MEAK7: variants seen among roughly 807,000 people sequenced by gnomAD.
The protein encoded by MEAK7 is MTOR associated protein MEAK7, also known as MTOR-associated protein MEAK7.
In MEAK7, 68 loss-of-function variants were observed where a neutral mutation model predicts 40.5. The observed-to-expected ratio is 1.68, with a 90% CI of 1.38 to 2.06. The LOEUF is 2.06. Among genes scored for constraint, MEAK7 ranks in the 30% most tolerant of loss-of-function variants. The pLI, the probability that MEAK7 is intolerant of heterozygous loss-of-function variation, is 0.00. For missense variants in MEAK7, 918 were observed against 580.5 expected (o/e 1.58, Z -5.98); for synonymous variants, 338 against 231.9 (o/e 1.46, Z -4.16).
chr16:84,484,187 G>A (rs922390053), intron 5 of MEAK7, among the ~76,000 whole-genome samples: 1 of 152,196 alleles, frequency 6.6e-6, no homozygotes, highest in African/African-American at 2.4e-5. Context: ...CACCCCCAAG[G>A]GCTGTTCTCC....
chr16:84,480,529 C>T lies in MEAK7; in HGVS notation c.1257G>A (p.Leu419=), dbSNP rs1303173015. ...GGATGCAGAGGACAGCTCCACTCACCAACTGCTCCTCTGAGGGGTCTCCAA... is the reference window on the plus strand; with the variant it reads ...GGATGCAGAGGACAGCTCCACTCACTAACTGCTCCTCTGAGGGGTCTCCAA... ...WAVGDPSEEQ[L]AKGNKSILDA... Residue 419 remains leucine (L), a splice_region_variant and synonymous_variant, in exon 7 of 8, where the codon TTG becomes TTA. Coordinates refer to ENST00000343629, the MANE Select transcript of MEAK7 (RefSeq NM_020947.4). 2.5e-6 allele frequency: 4 copies of T among 1,605,600 alleles called. No homozygotes were observed. Among genetic ancestry groups the T allele is most frequent in the Non-Finnish European group, 3.4e-6 (4 of 1,176,276 alleles).
Position 84,489,334 on chromosome 16 carries a change from G to T in MEAK7, c.473C>A (p.Pro158His). ...AGCCAGCACCTGCACCCGGGGGTTG[G>T]GCCCTGGGGCTTCCTTCCCAGTCCA... ...RGWTGKEAPG[P>H]NPRVQVLAAQ... The change falls in exon 4 of 8, where the codon CCC (proline) becomes CAC (histidine). Residue 158 changes from proline (P) to histidine (H), a missense_variant. Transcript: ENST00000343629. The T allele has an allele frequency of 6.2e-7, 1 of 1,614,160 alleles. No individual in the cohort carries two copies. The highest frequency in any genetic ancestry group is 8.5e-7 in the Non-Finnish European group (1 of 1,180,026).
intron 1 of MEAK7, among the ~76,000 whole-genome samples, chr16:84,501,332 G>C (rs115941993): frequency 1.4e-4 from 21 of 152,134 alleles, no homozygotes; most frequent in African/African-American, 4.6e-4. Flanking sequence ...CAGGGCACGT[G>C]GGGGAGGGCA....
chr16:84,495,572 C>T (rs978434051), intron 3 of MEAK7, 111 bp downstream of exon 3: 2 of 985,474 alleles, frequency 2.0e-6, no homozygotes, highest in Admixed American at 4.3e-5. Flanking sequence ...AAACCCAGCT[C>T]AAATACTTTT....
chr16:84,480,818 G>T, intron 6 of MEAK7, 110 bp from the exon 7 acceptor site: 1 of 1,228,896 alleles, frequency 8.1e-7, no homozygotes, highest in East Asian at 2.7e-5. Context: ...AGACAGGGGC[G>T]GGTGAGTGGT....
chr16:84,488,095 A>G (rs752855926), intron 4 of MEAK7: 12 of 151,168 alleles, frequency 7.9e-5, no homozygotes, highest in Non-Finnish European at 1.6e-4. Flanking sequence ...TTTTTCAAAC[A>G]GTTTCATTTC....
rs1327550935 is a variant in MEAK7 at position 84,479,689 on chromosome 16, A to G, written c.*224T>C. The G allele has an allele frequency of 1.0e-5, 4 of 391,504 alleles. No homozygotes were observed. Among genetic ancestry groups the G allele is most frequent in the Non-Finnish European group, 1.4e-5 (3 of 220,244 alleles). The allele number at this position is 391,504 out of a possible 1,614,324, so 24.3% of individuals were successfully genotyped here. ...GGAGAGATCCTGAGGGTGACCCTGT[A>G]GGGAAAAAAAGAAAACTTAAAAAAC... On this transcript the variant is annotated 3_prime_UTR_variant, in exon 8 of 8. Transcript: ENST00000343629.
chr16:84,481,340 T>A (rs922258493), intron 6 of MEAK7, among the ~76,000 whole-genome samples: 1 of 151,806 alleles, frequency 6.6e-6, no homozygotes, highest in Non-Finnish European at 1.5e-5. Flanking sequence ...AGTTCTGACC[T>A]TGGGCAACCA....
rs772529961 is a variant in MEAK7 at position 84,482,639 on chromosome 16, G to C, written c.1030C>G (p.His344Asp). 1.2e-5 allele frequency: 19 copies of C among 1,614,254 alleles called. No individual in the cohort carries two copies. Among genetic ancestry groups the C allele is most frequent in the Non-Finnish European group, 1.5e-5 (18 of 1,180,052 alleles). The change falls in exon 6 of 8, where the codon CAC (histidine) becomes GAC (aspartate). Residue 344 changes from histidine (H) to aspartate (D), a missense_variant. Coordinates refer to ENST00000343629, the MANE Select transcript of MEAK7 (RefSeq NM_020947.4). ...AVYTHTGYNDHYMYLNHGQQT... is the reference protein window; with the variant it reads ...AVYTHTGYNDDYMYLNHGQQT... ...TGTCCATGGTTCAAGTACATGTAGTGGTCGTTGTAGCCCGTGTGTGTGTAC... is the reference window on the plus strand; with the variant it reads ...TGTCCATGGTTCAAGTACATGTAGTCGTCGTTGTAGCCCGTGTGTGTGTAC...
chr16:84,489,065 T>A (rs146267482), intron 4 of MEAK7, among the ~76,000 whole-genome samples: 2 of 152,278 alleles, frequency 1.3e-5, no homozygotes, highest in African/African-American at 4.8e-5. Context: ...AGAGACAAAT[T>A]ATTTAAATCA....
intron 3 of MEAK7, among the ~76,000 whole-genome samples, chr16:84,492,685 G>T (rs192896499): frequency 3.3e-5 from 5 of 152,032 alleles, no homozygotes; most frequent in Non-Finnish European, 5.9e-5. Context: ...GAGTTCAAGC[G>T]ATTCTCCTGC....
At chr16:84,494,215 T>C (rs1227418837) in intron 3 of MEAK7, among the ~76,000 whole-genome samples, 3 of 152,198 alleles carry the variant, frequency 2.0e-5, no homozygotes, top group Non-Finnish European at 4.4e-5. Context: ...CAACTTATTT[T>C]ACAAATAAGT....
At chr16:84,503,401 A>G (rs151219215) in intron 1 of MEAK7, among the ~76,000 whole-genome samples, 22 of 152,022 alleles carry the variant, frequency 1.4e-4, no homozygotes, top group Admixed American at 3.3e-4. Context: ...ATGTTTCCTC[A>G]GTCATCTTCC....
At chr16:84,499,189 C>T (rs888942364) in intron 1 of MEAK7, among the ~76,000 whole-genome samples, 32 of 152,156 alleles carry the variant, frequency 2.1e-4, no homozygotes, top group African/African-American at 7.5e-4. Context: ...AGACAAGTGT[C>T]AAGCAATCGG....
At position 84,479,984 on chromosome 16, in the gene MEAK7, G is replaced by C; in HGVS notation, c.1300C>G (p.Gln434Glu). 2 of 1,609,422 alleles carry C rather than the reference G, an allele frequency of 1.2e-6. No homozygotes were observed. Among genetic ancestry groups the C allele is most frequent in the South Asian group, 1.1e-5 (1 of 90,564 alleles). ...TGCCCACTGATCTCCAGCAGGGCCT[G>C]GGCCTCAGGGTCCGCATCCAGGATG... Reference protein sequence around the residue: ...KSILDADPEAQALLEISGHSR... With the variant: ...KSILDADPEAEALLEISGHSR... The change falls in exon 8 of 8, where the codon CAG (glutamine) becomes GAG (glutamate). Residue 434 changes from glutamine (Q) to glutamate (E), a missense_variant. Gln to Glu is a conservative substitution (Grantham distance 29). Transcript: ENST00000343629.
Position 84,482,620 on chromosome 16 carries a change from T to C in MEAK7, c.1049A>G (p.His350Arg). ...TCCGTTCGGGATCGTCTGCTGTCCA[T>C]GGTTCAAGTACATGTAGTGGTCGTT... is the stretch of plus-strand genomic sequence containing the variant. ...GYNDHYMYLN[H>R]GQQTIPNGLG... is the part of the protein sequence containing the mutation. The change falls in exon 6 of 8, where the codon CAT (histidine) becomes CGT (arginine). Residue 350 changes from histidine to arginine, a missense_variant. Transcript: ENST00000343629. The C allele has an allele frequency of 6.2e-7, 1 of 1,614,228 alleles. No individual in the cohort carries two copies. Among genetic ancestry groups the C allele is most frequent in the Non-Finnish European group, 8.5e-7 (1 of 1,180,038 alleles).
At chr16:84,492,021 G>C (rs1475474253) in intron 3 of MEAK7, among the ~76,000 whole-genome samples, 1 of 152,076 alleles carries the variant, frequency 6.6e-6, no homozygotes, top group Non-Finnish European at 1.5e-5. Context: ...AACAATTAAA[G>C]CCTCATTTTG....
chr16:84,497,687 G>T, intron 2 of MEAK7: 1 of 1,477,944 alleles, frequency 6.8e-7, no homozygotes, highest in Non-Finnish European at 9.0e-7. Context: ...CAAAAACGGG[G>T]AGGGATGCGT....
rs770708822 is a variant in MEAK7, at chr16:84,489,297, G to C, written c.510C>G (p.Leu170=). 5.0e-6 allele frequency: 8 copies of C among 1,614,098 alleles called. No homozygotes were observed. The highest frequency in any genetic ancestry group is 6.8e-6 in the Non-Finnish European group (8 of 1,179,984). Residue 170 remains leucine, a synonymous_variant, in exon 4 of 8, where the codon CTC becomes CTG. Coordinates refer to ENST00000343629, the MANE Select transcript of MEAK7 (RefSeq NM_020947.4). ...PRVQVLAAQL[L]SDMKLQDGKR... ...ACTTGCCTTGCAGCTTCATGTCAGAGAGCAGCTGAGCAGCCAGCACCTGCA... is the reference window on the plus strand; with the variant it reads ...ACTTGCCTTGCAGCTTCATGTCAGACAGCAGCTGAGCAGCCAGCACCTGCA...
Sources: allele counts gnomAD v4.1 joint callset (sites outside exome capture counted in the v4.1 genomes callset), GRCh38; gene constraint gnomAD v4.1.1; transcripts MANE v1.5; gene names NCBI Gene and HGNC (gene_info 2026-07-23, HGNC 2026-07-21).